Variants in ATE1 observed in about 807,000 individuals in gnomAD.
The protein encoded by ATE1 is arginyltransferase 1.
A neutral mutation model predicts 70.5 loss-of-function variants in ATE1; 36 were observed. The observed-to-expected ratio is 0.51, with a 90% CI of 0.39 to 0.67. ATE1 has a LOEUF of 0.67. Among genes scored for constraint, ATE1 ranks in the 30% least tolerant of loss-of-function variants. The probability of loss-of-function intolerance (pLI) is 0.00; values close to 1 mark genes in which losing one functional copy is unlikely to be tolerated. For synonymous variants in ATE1, 232 were observed against 219.3 expected (o/e 1.06, Z -0.51); for missense variants, 593 against 629.5 (o/e 0.94, Z 0.62).
chr10:121,865,636 G>T (rs956266782), intron 8 of ATE1, among the ~76,000 whole-genome samples: 3 of 152,184 alleles, frequency 2.0e-5, no homozygotes, highest in Admixed American at 6.5e-5. Context: ...CATATCAGCA[G>T]CTACAGAGCC....
chr10:121,807,943 T>C (rs1321425736), intron 10 of ATE1, among the ~76,000 whole-genome samples: 1 of 152,176 alleles, frequency 6.6e-6, no homozygotes, highest in African/African-American at 2.4e-5. Context: ...CTGCAGAGCC[T>C]GAAGTATTTA....
rs371237807 is a variant in ATE1, at chr10:121,759,592, C to T, written c.1379-15734G>A. ...CAAAAAAATTAGCCAGGTGTGGTGG[C>T]GGGCACCTGTAGTCCCAGCTACTTG... On this transcript the variant is annotated intron_variant, in intron 11 of 11. Coordinates refer to ENST00000224652, the MANE Select transcript of ATE1 (RefSeq NM_001001976.3). Among the ~76,000 whole-genome samples, 91 of 152,028 alleles carry T rather than the reference C, an allele frequency of 6.0e-4. 4 individuals are homozygous for T. Among genetic ancestry groups the T allele is most frequent in the Admixed American group, 1.4e-3 (22 of 15,256 alleles).
At chr10:121,784,323 TTTATC>T (rs1212598325) in intron 11 of ATE1, among the ~76,000 whole-genome samples, 3 of 152,178 alleles carry the variant, frequency 2.0e-5, no homozygotes, top group Non-Finnish European at 4.4e-5. Context: ...ACTGTTGAAT[TTTATC>T]TTAAGACATC....
At chr10:121,805,515 C>T (rs1388584898) in intron 10 of ATE1, among the ~76,000 whole-genome samples, 1 of 152,118 alleles carries the variant, frequency 6.6e-6, no homozygotes, top group Admixed American at 6.6e-5. Context: ...AATGGCTGTA[C>T]ATACATACAA....
intron 11 of ATE1, among the ~76,000 whole-genome samples, chr10:121,750,572 C>T (rs964172152): frequency 5.3e-5 from 8 of 152,166 alleles, no homozygotes; most frequent in Non-Finnish European, 7.3e-5. Flanking sequence ...AGATGAAATG[C>T]ACAATACAGG....
intron 10 of ATE1, among the ~76,000 whole-genome samples, chr10:121,826,053 A>G (rs1175390315): frequency 1.3e-5 from 2 of 152,242 alleles, no homozygotes; most frequent in African/African-American, 2.4e-5. Flanking sequence ...TGCTGAGTAA[A>G]TTAAGTCAGT....
intron 7 of ATE1, among the ~76,000 whole-genome samples, chr10:121,873,486 G>A (rs551765376): frequency 4.0e-5 from 6 of 151,742 alleles, no homozygotes; most frequent in Admixed American, 2.0e-4. Flanking sequence ...TCTCATTCCC[G>A]CCAAAGAAGC....
At chr10:121,761,586 A>T (rs1354714845) in intron 11 of ATE1, among the ~76,000 whole-genome samples, 5 of 152,168 alleles carry the variant, frequency 3.3e-5, no homozygotes, top group Non-Finnish European at 7.4e-5. Context: ...GCAGTGATCT[A>T]GAGCAGAACA....
chr10:121,890,320 G>A (rs550313126), intron 7 of ATE1, among the ~76,000 whole-genome samples: 24 of 152,196 alleles, frequency 1.6e-4, no homozygotes, highest in East Asian at 3.9e-4. Flanking sequence ...TTTCTCATGC[G>A]TTATAATTAT....
At chr10:121,780,668 G>A (rs1017720984) in intron 11 of ATE1, among the ~76,000 whole-genome samples, 1 of 152,172 alleles carries the variant, frequency 6.6e-6, no homozygotes, top group Non-Finnish European at 1.5e-5. Flanking sequence ...CTGCTCTAAA[G>A]TCCAGCTGCA....
chr10:121,904,002 C>G (rs1375148585), intron 5 of ATE1, among the ~76,000 whole-genome samples: 5 of 148,594 alleles, frequency 3.4e-5, no homozygotes, highest in African/African-American at 1.2e-4. Flanking sequence ...TTTTTTGAGA[C>G]AGAGTCTCGC....
intron 7 of ATE1, among the ~76,000 whole-genome samples, chr10:121,893,501 T>C (rs1266642992): frequency 6.6e-6 from 1 of 152,122 alleles, no homozygotes; most frequent in Non-Finnish European, 1.5e-5. Flanking sequence ...TCTTATTCCT[T>C]TTCTCAACTT....
At chr10:121,823,071 A>C (rs1291158654) in intron 10 of ATE1, among the ~76,000 whole-genome samples, 1 of 152,150 alleles carries the variant, frequency 6.6e-6, no homozygotes, top group Non-Finnish European at 1.5e-5. Context: ...TGGGTGGATC[A>C]CAAGGTCAGG....
chr10:121,811,225 T>C (rs910437605), intron 10 of ATE1, among the ~76,000 whole-genome samples: 1 of 152,116 alleles, frequency 6.6e-6, no homozygotes, highest in Admixed American at 6.6e-5. Flanking sequence ...ATAATATGCA[T>C]GCATATGTGT....
chr10:121,817,389 A>G (rs1377718720), intron 10 of ATE1, among the ~76,000 whole-genome samples: 2 of 152,166 alleles, frequency 1.3e-5, no homozygotes, highest in African/African-American at 4.8e-5. Flanking sequence ...ACACAAAAAA[A>G]TTAGCCGGGC....
chr10:121,780,225 T>C (rs924744987), intron 11 of ATE1, among the ~76,000 whole-genome samples: 1 of 152,204 alleles, frequency 6.6e-6, no homozygotes, highest in Non-Finnish European at 1.5e-5. Context: ...CATTCTTCTC[T>C]GCAAAACCTG....
At chr10:121,819,275 C>G (rs1355285280) in intron 10 of ATE1, among the ~76,000 whole-genome samples, 1 of 152,124 alleles carries the variant, frequency 6.6e-6, no homozygotes, top group Non-Finnish European at 1.5e-5. Flanking sequence ...TAAATGAAAA[C>G]AGCTTTAAGA....
chr10:121,911,442 T>TAAAAAAA (rs371014661), intron 4 of ATE1, among the ~76,000 whole-genome samples: 21 of 128,260 alleles, frequency 1.6e-4, no homozygotes, highest in East Asian at 4.5e-4. Flanking sequence ...TACAGTAAAT[T>TAAAAAAA]AAAAAAAAAA....
intron 9 of ATE1, among the ~76,000 whole-genome samples, 157 bp downstream of exon 9, chr10:121,840,925 A>ATATAGTAGTATGTATTC (rs1948604381): frequency 6.6e-6 from 1 of 151,050 alleles, no homozygotes; most frequent in Non-Finnish European, 1.5e-5. Context: ...ATTACCTATT[A>ATATAGTAGTATGTATTC]TATAGTAGTA....
Sources: gnomAD v4.1 joint callset for allele counts (sites outside exome capture counted in the v4.1 genomes callset) on GRCh38, gnomAD v4.1.1 for gene constraint, MANE v1.5 for transcripts, NCBI Gene and HGNC (gene_info 2026-07-23, HGNC 2026-07-21) for gene names.